Variants in KHDRBS3 observed in about 807,000 individuals in gnomAD.
KHDRBS3 encodes KH domain-containing, RNA-binding, signal transduction-associated protein 3.
KHDRBS3 carries 23 observed loss-of-function variants against 45.6 expected under a neutral mutation model. That is an observed-to-expected ratio of 0.50 (90% CI 0.36 to 0.72). The LOEUF (loss-of-function observed/expected upper bound fraction) is 0.72. KHDRBS3 is among the 30% of genes least tolerant of loss of function. The pLI is 0.00. For synonymous variants in KHDRBS3, 162 were observed against 156.5 expected (o/e 1.04, Z -0.26); for missense variants, 352 against 424.8 (o/e 0.83, Z 1.51).
At chr8:135,582,668 T>C (rs1331303048) in intron 6 of KHDRBS3, among the ~76,000 whole-genome samples, 2 of 152,216 alleles carry the variant, frequency 1.3e-5, no homozygotes, top group African/African-American at 4.8e-5. Flanking sequence ...GATGTCCTCA[T>C]TTACCATAAA....
chr8:135,636,803 C>T (rs1290697497), intron 7 of KHDRBS3, among the ~76,000 whole-genome samples: 1 of 152,240 alleles, frequency 6.6e-6, no homozygotes, highest in Admixed American at 6.5e-5. Context: ...AGAGGCTGAG[C>T]TTCTGCCTTA....
chr8:135,646,418 G>A (rs772255986), intron 8 of KHDRBS3, among the ~76,000 whole-genome samples: 10 of 152,164 alleles, frequency 6.6e-5, no homozygotes, highest in Non-Finnish European at 1.5e-4. Context: ...TCATATTCAT[G>A]AAGTGCTATT....
chr8:135,461,543 A>G (rs1472290689), intron 1 of KHDRBS3, among the ~76,000 whole-genome samples: 1 of 152,194 alleles, frequency 6.6e-6, no homozygotes, highest in Non-Finnish European at 1.5e-5. Flanking sequence ...ATTCTTGCCA[A>G]GGAGAGGTTA....
At chr8:135,536,527 A>T (rs1825766104) in intron 2 of KHDRBS3, among the ~76,000 whole-genome samples, 1 of 152,028 alleles carries the variant, frequency 6.6e-6, no homozygotes, top group African/African-American at 2.4e-5. Context: ...AATATGGGCA[A>T]CTTGTGTTTT....
intron 4 of KHDRBS3, among the ~76,000 whole-genome samples, chr8:135,552,345 A>G (rs749332830): frequency 4.0e-5 from 6 of 151,784 alleles, no homozygotes; most frequent in Non-Finnish European, 7.4e-5. Context: ...GGATAATTTT[A>G]ATGGACTAGT....
chr8:135,554,162 A>G (rs1282484324), intron 4 of KHDRBS3, among the ~76,000 whole-genome samples: 2 of 152,132 alleles, frequency 1.3e-5, no homozygotes, highest in African/African-American at 4.8e-5. Context: ...CTACTACACT[A>G]TTGTTAAATG....
intron 1 of KHDRBS3, 45 bp from the exon 2 acceptor site, chr8:135,521,192 C>A (rs1381154162): frequency 8.5e-7 from 1 of 1,170,856 alleles, no homozygotes; most frequent in Non-Finnish European, 1.3e-6. Flanking sequence ...CCAGCCCCTG[C>A]ATTTCTGAGT....
At chr8:135,598,076 C>G (rs1431658869) in intron 6 of KHDRBS3, among the ~76,000 whole-genome samples, 1 of 152,136 alleles carries the variant, frequency 6.6e-6, no homozygotes, top group Non-Finnish European at 1.5e-5. Context: ...AGAATAGCAG[C>G]TAATCTTTGT....
chr8:135,481,093 A>G (rs903055143), intron 1 of KHDRBS3, among the ~76,000 whole-genome samples: 1 of 151,908 alleles, frequency 6.6e-6, no homozygotes, highest in Non-Finnish European at 1.5e-5. Context: ...TTATCAGATT[A>G]GATCTTCAAG....
intron 7 of KHDRBS3, among the ~76,000 whole-genome samples, chr8:135,643,939 G>C (rs1831176773): frequency 6.6e-6 from 1 of 152,176 alleles, no homozygotes; most frequent in African/African-American, 2.4e-5. Context: ...TTCCTGAGGT[G>C]TTAAACATCT....
chr8:135,598,783 G>GT (rs1297139831), intron 6 of KHDRBS3, among the ~76,000 whole-genome samples: 1 of 152,120 alleles, frequency 6.6e-6, no homozygotes, highest in African/African-American at 2.4e-5. Context: ...GTTAATATTT[G>GT]TTTTTTAAAC....
chr8:135,645,620 A>G (rs1301365975), intron 8 of KHDRBS3, among the ~76,000 whole-genome samples: 1 of 152,242 alleles, frequency 6.6e-6, no homozygotes, highest in East Asian at 1.9e-4. Flanking sequence ...CAGGGTCTGT[A>G]AGCTTTACAA....
At chr8:135,600,782 T>TCCGCCTCC (rs2131001257) in intron 6 of KHDRBS3, among the ~76,000 whole-genome samples, 1 of 152,312 alleles carries the variant, frequency 6.6e-6, no homozygotes, top group Admixed American at 6.5e-5. Flanking sequence ...GTCTGCAGCC[T>TCCGCCTCC]CCGCCTCCCG....
At chr8:135,506,353 C>CA (rs1823993034) in intron 1 of KHDRBS3, among the ~76,000 whole-genome samples, 1 of 151,726 alleles carries the variant, frequency 6.6e-6, no homozygotes, top group Non-Finnish European at 1.5e-5. Context: ...AAGGAACCTC[C>CA]AAGTCCAACC....
At chr8:135,641,194 GTGT>G (rs1176997574) in intron 7 of KHDRBS3, among the ~76,000 whole-genome samples, 3 of 152,134 alleles carry the variant, frequency 2.0e-5, no homozygotes, top group Non-Finnish European at 4.4e-5. Flanking sequence ...ATGCTGAACT[GTGT>G]TATAGCACCT....
chr8:135,536,394 G>A (rs1318625882), intron 2 of KHDRBS3, among the ~76,000 whole-genome samples: 1 of 152,070 alleles, frequency 6.6e-6, no homozygotes, highest in African/African-American at 2.4e-5. Flanking sequence ...AAGCAGAAAT[G>A]TGGTGAGGCT....
At chr8:135,530,589 G>T (rs895543254) in intron 2 of KHDRBS3, among the ~76,000 whole-genome samples, 5 of 152,094 alleles carry the variant, frequency 3.3e-5, no homozygotes, top group African/African-American at 1.2e-4. Flanking sequence ...CTGACTGTTA[G>T]ACCAAATGGC....
downstream of KHDRBS3, among the ~76,000 whole-genome samples, chr8:135,649,822 T>G (rs1165552757): frequency 6.6e-6 from 1 of 152,190 alleles, no homozygotes; most frequent in Non-Finnish European, 1.5e-5. Context: ...TACAATTTTA[T>G]GTTTATTGTC....
chr8:135,651,888 C>T (rs912422860), downstream of KHDRBS3, among the ~76,000 whole-genome samples: 1 of 152,068 alleles, frequency 6.6e-6, no homozygotes, highest in Non-Finnish European at 1.5e-5. Flanking sequence ...GTCATGTTAA[C>T]GATACTATAA....
Sources: gnomAD v4.1 joint callset for allele counts (sites outside exome capture counted in the v4.1 genomes callset) on GRCh38, gnomAD v4.1.1 for gene constraint, MANE v1.5 for transcripts, NCBI Gene and HGNC (gene_info 2026-07-23, HGNC 2026-07-21) for gene names.